Variants in PANK1 observed in about 807,000 individuals in gnomAD.
PANK1 encodes pantothenic acid kinase 1.
Under a neutral mutation model 40.1 loss-of-function variants are expected in PANK1, and 18 were observed. That is an observed-to-expected ratio of 0.45 (90% CI 0.31 to 0.67). The LOEUF (loss-of-function observed/expected upper bound fraction) is 0.67. PANK1 is among the 30% of genes least tolerant of loss of function. The pLI, the probability that PANK1 is intolerant of heterozygous loss-of-function variation, is 0.06. For missense variants in PANK1, 457 were observed against 599.6 expected, an observed-to-expected ratio of 0.76 and a Z score of 2.48; for synonymous variants, 242 against 237.7, an observed-to-expected ratio of 1.02 and a Z score of -0.17.
At chr10:89,637,024 G>A (rs1791390661) in intron 1 of PANK1, among the ~76,000 whole-genome samples, 1 of 149,896 alleles carries the variant, frequency 6.7e-6, no homozygotes, top group Admixed American at 6.7e-5. Flanking sequence ...ACCACGCCTG[G>A]CTATTTTGTA....
At chr10:89,592,457 G>A (rs995718770) in intron 5 of PANK1, among the ~76,000 whole-genome samples, 8 of 152,146 alleles carry the variant, frequency 5.3e-5, no homozygotes, top group Non-Finnish European at 1.0e-4. Flanking sequence ...TCTTCTGTAT[G>A]TATGTCACCT....
chr10:89,611,861 G>A lies in PANK1; in HGVS notation c.480C>T (p.Asn160=). ...TCCCTTTGCGTCCACACATGGTCAGGTTTTTCAGTTCCAGGTGGACGTCTC... is the reference window on the plus strand; with the variant it reads ...TCCCTTTGCGTCCACACATGGTCAGATTTTTCAGTTCCAGGTGGACGTCTC... ...GIRDVHLELK[N]LTMCGRKGNL... The change falls in exon 2 of 7, where the codon AAC becomes AAT. Residue 160 remains asparagine, a synonymous_variant. Transcript: ENST00000307534. The A allele has an allele frequency of 6.2e-7, 1 of 1,614,176 alleles. No homozygotes were observed. The highest frequency in any genetic ancestry group is 1.6e-4 in the Middle Eastern group (1 of 6,062).
chr10:89,645,223 GCTTC>G lies in PANK1; in HGVS notation c.-336_-333del. 3 of 1,599,380 alleles carry G rather than the reference GCTTC, an allele frequency of 1.9e-6. No homozygotes were observed. Among genetic ancestry groups the G allele is most frequent in the Non-Finnish European group, 2.6e-6 (3 of 1,173,810 alleles). The stretch of plus-strand genomic sequence containing the variant: ...CCCAGGCCGCGCGACTTCAAACGCG[GCTTC>G]CTCGCCTCCCAGACTGGTCCCCGCC... On this transcript the variant is annotated 5_prime_UTR_variant, in exon 1 of 7. Transcript: ENST00000307534.
At chr10:89,602,949 A>G (rs1055720647) in intron 2 of PANK1, among the ~76,000 whole-genome samples, 24 of 152,236 alleles carry the variant, frequency 1.6e-4, no homozygotes, top group African/African-American at 5.5e-4. Flanking sequence ...AAAAAAATAC[A>G]TTGCAGACCA....
chr10:89,595,827 AAAAAAAATAT>A (rs1213626985), intron 3 of PANK1, among the ~76,000 whole-genome samples: 1 of 71,378 alleles, frequency 1.4e-5, no homozygotes, highest in East Asian at 4.3e-4. Context: ...AAAAAAAAAA[AAAAAAAATAT>A]ATATATATAT....
intron 2 of PANK1, among the ~76,000 whole-genome samples, chr10:89,608,310 C>A (rs1346100759): frequency 6.6e-6 from 1 of 151,674 alleles, no homozygotes; most frequent in African/African-American, 2.4e-5. Context: ...GGATTACAGG[C>A]GTGAGCCACC....
chr10:89,582,072 C>A (rs1844061860), downstream of PANK1: 1 of 152,102 alleles, frequency 6.6e-6, no homozygotes. Flanking sequence ...TGTGTCAACC[C>A]CTGTGCTGAG....
At chr10:89,579,634 C>A (rs766138635), downstream of PANK1, 1 of 152,140 alleles carries the variant, frequency 6.6e-6, no homozygotes, top group African/African-American at 2.4e-5. Context: ...GCAAGGTGAG[C>A]CCATCATTCC....
chr10:89,630,407 G>T (rs1403379204), intron 1 of PANK1, among the ~76,000 whole-genome samples: 2 of 152,056 alleles, frequency 1.3e-5, no homozygotes, highest in Non-Finnish European at 2.9e-5. Context: ...CAATGAAGTT[G>T]GCACTATTAT....
At chr10:89,610,002 A>G (rs1433900775) in intron 2 of PANK1, among the ~76,000 whole-genome samples, 1 of 152,176 alleles carries the variant, frequency 6.6e-6, no homozygotes, top group Admixed American at 6.5e-5. Flanking sequence ...GGACCTGAGG[A>G]GCTCAGAGCA....
chr10:89,620,714 T>C (rs1845456177), intron 1 of PANK1, among the ~76,000 whole-genome samples: 1 of 152,220 alleles, frequency 6.6e-6, no homozygotes, highest in South Asian at 2.1e-4. Flanking sequence ...TTACTCCCTG[T>C]TCGTACCCCC....
chr10:89,644,941 T>C lies in PANK1; in HGVS notation c.-50A>G, dbSNP rs1236400382. 6.4e-7 allele frequency: 1 copy of C among 1,569,378 alleles called. No individual in the cohort carries two copies. Among genetic ancestry groups the C allele is most frequent in the Non-Finnish European group, 8.6e-7 (1 of 1,161,560 alleles). ...CGGGCCCCGGCTCAGGCGGCCTCGC[T>C]GGAGGTCATTCTCCGGCGTCTTTAT... On this transcript the variant is annotated 5_prime_UTR_variant, in exon 1 of 7. Coordinates refer to ENST00000307534, the MANE Select transcript of PANK1 (RefSeq NM_148977.3).
intron 1 of PANK1, among the ~76,000 whole-genome samples, chr10:89,636,747 A>C (rs1049529889): frequency 6.7e-6 from 1 of 150,076 alleles, no homozygotes; most frequent in African/African-American, 2.5e-5. Flanking sequence ...CACCGCACCC[A>C]GCCTGCCTCC....
chr10:89,613,667 C>T (rs910329343), intron 1 of PANK1, among the ~76,000 whole-genome samples: 4 of 152,184 alleles, frequency 2.6e-5, no homozygotes, highest in Non-Finnish European at 5.9e-5. Flanking sequence ...TCTTTGCAGA[C>T]GTTTACAAAG....
At chr10:89,644,577 G>A in intron 1 of PANK1, 23 bp downstream of exon 1, 2 of 1,573,276 alleles carry the variant, frequency 1.3e-6, no homozygotes, top group East Asian at 2.4e-5. Flanking sequence ...TTGCGCCCGC[G>A]CTCCCCTCCC....
downstream of PANK1, chr10:89,581,513 G>A (rs1264328604): frequency 1.3e-5 from 2 of 152,270 alleles, no homozygotes; most frequent in African/African-American, 2.4e-5. Flanking sequence ...CTGCCTCCCA[G>A]GTTCACGCCA....
At chr10:89,601,307 C>G (rs1023087877) in intron 2 of PANK1, among the ~76,000 whole-genome samples, 1 of 84,524 alleles carries the variant, frequency 1.2e-5, no homozygotes, top group African/African-American at 5.0e-5. Context: ...AGACCCATCT[C>G]TTAAAAAAAA....
Position 89,584,417 on chromosome 10 carries a change from C to T in PANK1, c.1375G>A (p.Asp459Asn). 6.2e-7 allele frequency: 1 copy of T among 1,603,204 alleles called. No individual in the cohort carries two copies. The highest frequency in any genetic ancestry group is 1.1e-5 in the South Asian group (1 of 90,740). Reference sequence around the variant, plus strand: ...TCCACTGCTCGTCTCTACTTGTCATCAGTCATTTTGAACAGTTCCAACAGT... The same window carrying T: ...TCCACTGCTCGTCTCTACTTGTCATTAGTCATTTTGAACAGTTCCAACAGT... Reference protein sequence around the residue: ...GALLELFKMTDDK With the variant: ...GALLELFKMTNDK The change falls in exon 7 of 7, where the codon GAT becomes AAT. Residue 459 changes from aspartate (D) to asparagine (N), a missense_variant. This residue lies in a region of PANK1 where 22 missense variants were observed against 24.6 expected (regional missense o/e 0.89). Coordinates refer to ENST00000307534, the MANE Select transcript of PANK1 (RefSeq NM_148977.3).
chr10:89,588,811 T>C (rs1844281641), intron 5 of PANK1, 34 bp from the exon 6 acceptor site: 1 of 1,530,076 alleles, frequency 6.5e-7, no homozygotes, highest in Non-Finnish European at 8.8e-7. Flanking sequence ...AATTGAATCA[T>C]GGCATAAAAA....
Sources: gnomAD v4.1 joint callset for allele counts (sites outside exome capture counted in the v4.1 genomes callset) on GRCh38, gnomAD v4.1.1 for gene constraint, gnomAD v4.1.1 regional missense constraint, MANE v1.5 for transcripts, NCBI Gene and HGNC (gene_info 2026-07-23, HGNC 2026-07-21) for gene names.